The following CLVS1 variants were observed in gnomAD, a reference collection of about 807,000 sequenced individuals.
CLVS1 encodes the protein clavesin-1.
CLVS1 carries 10 observed loss-of-function variants against 33.1 expected under a neutral mutation model. The ratio of observed to expected loss-of-function variants is 0.30; its 90% CI spans 0.19 to 0.51. The LOEUF (loss-of-function observed/expected upper bound fraction) is 0.51. Ranked by LOEUF, CLVS1 falls within the 20% of genes least tolerant of loss-of-function variation. CLVS1 has a pLI of 0.97. For synonymous variants in CLVS1, 163 were observed against 166.1 expected (o/e 0.98, Z 0.14); for missense variants, 343 against 433.4 (o/e 0.79, Z 1.85).
intron 3 of CLVS1, among the ~76,000 whole-genome samples, chr8:61,446,477 T>C (rs2129606549): frequency 6.6e-6 from 1 of 152,308 alleles, no homozygotes; most frequent in South Asian, 2.1e-4. Context: ...GTTGTATCTG[T>C]TGAGGGCCTT....
chr8:61,200,262 G>T (rs1444135858), intron 2 of CLVS1, among the ~76,000 whole-genome samples: 1 of 151,984 alleles, frequency 6.6e-6, no homozygotes, highest in Non-Finnish European at 1.5e-5. Flanking sequence ...GGGATTATAG[G>T]TGCCTGCCAC....
At chr8:61,288,175 G>C (rs1297564212) in intron 1 of CLVS1, 37 bp downstream of exon 1, 9 of 456,064 alleles carry the variant, frequency 2.0e-5, no homozygotes, top group Admixed American at 1.9e-4. Context: ...TGTATTTGCC[G>C]AGCCTCCCCG....
intron 2 of CLVS1, among the ~76,000 whole-genome samples, chr8:61,185,276 G>A (rs1807322283): frequency 6.6e-6 from 1 of 151,234 alleles, no homozygotes; most frequent in Non-Finnish European, 1.5e-5. Context: ...CAAGTAGCTA[G>A]GATTACAAGC....
intron 2 of CLVS1, among the ~76,000 whole-genome samples, chr8:61,278,903 G>A (rs938551043): frequency 6.6e-6 from 1 of 152,172 alleles, no homozygotes; most frequent in African/African-American, 2.4e-5. Flanking sequence ...GAGCACTGGT[G>A]CATTGACAGC....
At chr8:61,040,135 A>G in the CLVS1 span, among the ~76,000 whole-genome samples, 1 of 152,100 alleles carries the variant, frequency 6.6e-6, no homozygotes, top group Non-Finnish European at 1.5e-5. Flanking sequence ...TAGCATCATG[A>G]CCTCCAGCTA....
chr8:61,378,818 C>T (rs115540234), intron 3 of CLVS1, among the ~76,000 whole-genome samples: 4 of 152,142 alleles, frequency 2.6e-5, no homozygotes, highest in Non-Finnish European at 4.4e-5. Context: ...TCAGATGCCC[C>T]GGTCAATCTA....
the CLVS1 span, among the ~76,000 whole-genome samples, chr8:61,009,099 T>C: frequency 1.3e-5 from 2 of 152,206 alleles, no homozygotes; most frequent in African/African-American, 4.8e-5. Flanking sequence ...GGGTTACACA[T>C]ACCATTAGTA....
chr8:61,306,050 A>G (rs1051886432), intron 2 of CLVS1, among the ~76,000 whole-genome samples: 4 of 152,218 alleles, frequency 2.6e-5, no homozygotes, highest in Non-Finnish European at 4.4e-5. Flanking sequence ...TCGGGTATAT[A>G]TCCAGTAATA....
chr8:61,364,806 GA>G (rs1813127560), intron 2 of CLVS1, among the ~76,000 whole-genome samples: 1 of 152,194 alleles, frequency 6.6e-6, no homozygotes, highest in South Asian at 2.1e-4. Flanking sequence ...ATTAAATACG[GA>G]GGTTTGGAGT....
chr8:61,008,752 C>T, the CLVS1 span, among the ~76,000 whole-genome samples: 1 of 152,306 alleles, frequency 6.6e-6, no homozygotes, highest in East Asian at 1.9e-4. Context: ...TGCAAAAATG[C>T]TGCAGGAATA....
At chr8:61,279,767 T>C (rs530338057) in intron 2 of CLVS1, among the ~76,000 whole-genome samples, 30 of 152,350 alleles carry the variant, frequency 2.0e-4, no homozygotes, top group Non-Finnish European at 3.7e-4. Context: ...AACTATATAA[T>C]ATGTTAAAAT....
intron 1 of CLVS1, among the ~76,000 whole-genome samples, chr8:61,108,238 TA>T (rs778625762): frequency 0.025 from 3,342 of 134,720 alleles, 45 homozygotes; most frequent in Middle Eastern, 0.08. Context: ...AAAAAAACCA[TA>T]AAAAAAAAAT....
chr8:61,080,396 T>C (rs28534632), intron 1 of CLVS1, among the ~76,000 whole-genome samples: 6,145 of 152,276 alleles, frequency 0.04, 410 homozygotes, highest in African/African-American at 0.14. Context: ...GAAAATAATG[T>C]AGTTTTCATG....
chr8:61,327,159 A>T (rs1811414822), intron 2 of CLVS1, among the ~76,000 whole-genome samples: 1 of 152,188 alleles, frequency 6.6e-6, no homozygotes, highest in Non-Finnish European at 1.5e-5. Context: ...ATCCTTTAGG[A>T]ATAGGGCCAA....
At chr8:61,044,248 G>A in the CLVS1 span, among the ~76,000 whole-genome samples, 2 of 152,268 alleles carry the variant, frequency 1.3e-5, no homozygotes, top group African/African-American at 4.8e-5. Flanking sequence ...TGGTTCTGGG[G>A]CAGGGTCACA....
At chr8:61,382,198 G>T (rs1813907051) in intron 3 of CLVS1, among the ~76,000 whole-genome samples, 1 of 152,166 alleles carries the variant, frequency 6.6e-6, no homozygotes, top group Admixed American at 6.5e-5. Flanking sequence ...ATCAATGATT[G>T]ATCATATTGT....
At chr8:61,269,558 G>T (rs369158764) in intron 2 of CLVS1, among the ~76,000 whole-genome samples, 3 of 151,588 alleles carry the variant, frequency 2.0e-5, no homozygotes, top group Non-Finnish European at 4.4e-5. Flanking sequence ...GTGAAGAAAG[G>T]CATTGGTAGC....
chr8:61,072,328 T>C (rs777228218), intron 1 of CLVS1, among the ~76,000 whole-genome samples: 1 of 152,226 alleles, frequency 6.6e-6, no homozygotes, highest in Non-Finnish European at 1.5e-5. Flanking sequence ...TGAAGATGCA[T>C]TCCAGATCCA....
At chr8:61,461,103 G>T (rs1428365738) in intron 5 of CLVS1, among the ~76,000 whole-genome samples, 1 of 152,076 alleles carries the variant, frequency 6.6e-6, no homozygotes, top group African/African-American at 2.4e-5. Context: ...GTTAGTGGTT[G>T]GTCCATGAAC....
Sources: allele counts gnomAD v4.1 joint callset (sites outside exome capture counted in the v4.1 genomes callset), GRCh38; gene constraint gnomAD v4.1.1; transcripts MANE v1.5; gene names NCBI Gene and HGNC (gene_info 2026-07-23, HGNC 2026-07-21).